RGSL1: variants seen among roughly 807,000 people sequenced by gnomAD.
RGSL1 encodes the protein regulator of G protein signaling like 1.
RGSL1 carries 97 observed loss-of-function variants against 124.7 expected under a neutral mutation model. The ratio of observed to expected loss-of-function variants is 0.78; its 90% confidence interval spans 0.66 to 0.92. The LOEUF (loss-of-function observed/expected upper bound fraction) is 0.92, where lower values mean the gene tolerates loss of function less well. Among genes scored for constraint, RGSL1 ranks in the 40% least tolerant of loss-of-function variants. RGSL1 has a pLI of 0.00. For missense variants in RGSL1, 1,233 were observed against 1,288.4 expected, an observed-to-expected ratio of 0.96 and a Z score of 0.66; for synonymous variants, 424 against 438.1, an observed-to-expected ratio of 0.97 and a Z score of 0.40.
intron 7 of RGSL1, 79 bp downstream of exon 7, chr1:182,488,426 T>G: frequency 7.9e-7 from 1 of 1,263,078 alleles, no homozygotes; most frequent in Non-Finnish European, 1.1e-6. Context: ...AAAAGGGTTA[T>G]GTGTTAAAGT....
In RGSL1 at chr1:182,527,693, T is replaced by C. The variant is rs190038598; in HGVS notation, c.2046T>C (p.Ser682=). 15 of 1,551,372 alleles carry C rather than the reference T, an allele frequency of 9.7e-6. No individual in the cohort carries two copies. In the East Asian group the frequency reaches 3.2e-4, roughly 33 times the overall value. Residue 682 remains serine (S), a synonymous_variant, in exon 11 of 22, where the codon AGT becomes AGC. Transcript: ENST00000294854. The part of the protein sequence containing the change: ...LQFLTAVQKI[S]IETNEKICKS... ...TTCTCACAGCTGTACAGAAGATCAG[T>C]ATAGAGACCAATGAAAAGATTTGCA...
At chr1:182,530,152 C>T (rs1659056127) in intron 11 of RGSL1, 92 bp from the exon 12 acceptor site, 1 of 887,316 alleles carries the variant, frequency 1.1e-6, no homozygotes, top group African/African-American at 1.7e-5. Flanking sequence ...GGCTGTGAGA[C>T]TCTAAGATAA....
chr1:182,531,078 CTGAGTA>C, intron 13 of RGSL1, among the ~76,000 whole-genome samples, 168 bp downstream of exon 13: 2 of 152,098 alleles, frequency 1.3e-5, no homozygotes, highest in South Asian at 4.1e-4. Flanking sequence ...TTAGAGTCAA[CTGAGTA>C]ATAGGTACAG....
chr1:182,504,327 C>T (rs1359243242), intron 9 of RGSL1, among the ~76,000 whole-genome samples: 8 of 151,970 alleles, frequency 5.3e-5, no homozygotes, highest in East Asian at 3.9e-4. Flanking sequence ...ATAATTCTCC[C>T]GGGTTTTTGT....
At chr1:182,506,780 T>G (rs1656837859) in intron 9 of RGSL1, among the ~76,000 whole-genome samples, 1 of 152,174 alleles carries the variant, frequency 6.6e-6, no homozygotes. Context: ...CTGTAATAGA[T>G]GTACATAGTT....
In RGSL1 at chr1:182,540,407, T is replaced by C. The variant is rs1571692309; in HGVS notation, c.2655T>C (p.Phe885=). ...TTGCGATCAATGATCTATATTTCTT[T>C]TCTGAAATGGAGAAGTAAGTTTTCC... is the stretch of plus-strand genomic sequence containing the variant. ...VNFAINDLYF[F]SEMEKFNDLV... is the part of the protein sequence containing the mutation. Residue 885 remains phenylalanine, a synonymous_variant, in exon 15 of 22, where the codon TTT becomes TTC. Coordinates refer to ENST00000294854, the MANE Select transcript of RGSL1 (RefSeq NM_001137669.2). 6.5e-7 allele frequency: 1 copy of C among 1,550,378 alleles called. No individual in the cohort carries two copies.
intron 2 of RGSL1, among the ~76,000 whole-genome samples, chr1:182,456,557 C>G (rs1322085681): frequency 6.6e-6 from 1 of 152,190 alleles, no homozygotes; most frequent in Admixed American, 6.5e-5. Flanking sequence ...CTCGGCCTCC[C>G]AAAGTGCTGG....
chr1:182,515,553 AG>A (rs3031621), intron 9 of RGSL1, among the ~76,000 whole-genome samples: 29 of 109,012 alleles, frequency 2.7e-4, no homozygotes, highest in East Asian at 5.5e-4. Context: ...AAAAAAAAAA[AG>A]GGGGGGGCGG....
chr1:182,528,637 T>C (rs1658934744), intron 11 of RGSL1, among the ~76,000 whole-genome samples: 1 of 152,142 alleles, frequency 6.6e-6, no homozygotes, highest in Non-Finnish European at 1.5e-5. Context: ...AACCTTAAAG[T>C]TCCAAAATGA....
Position 182,511,285 on chromosome 1 carries a change from C to T in RGSL1, c.1826-10719C>T, listed in dbSNP as rs1006773428. On this transcript the variant is annotated intron_variant, in intron 9 of 21. Coordinates refer to ENST00000294854, the MANE Select transcript of RGSL1 (RefSeq NM_001137669.2). ...GTTCAAGAGATTCTCCTGCCTCAGC[C>T]TCCCAAGTAGCTGGGATTACAAGCA... Among the ~76,000 whole-genome samples the T allele has an allele frequency of 5.3e-5, 8 of 152,302 alleles. 1 individual carries two copies. In the Middle Eastern group the frequency reaches 0.02, roughly 389 times the overall value.
chr1:182,496,164 G>T (rs1169826856), intron 9 of RGSL1, among the ~76,000 whole-genome samples: 1 of 152,088 alleles, frequency 6.6e-6, no homozygotes, highest in African/African-American at 2.4e-5. Context: ...ACTTCTCGTG[G>T]TTGGAGCCAA....
At chr1:182,540,509 G>A (rs971262302) in intron 15 of RGSL1, 88 bp downstream of exon 15, 1 of 1,258,032 alleles carries the variant, frequency 7.9e-7, no homozygotes, top group African/African-American at 1.5e-5. Flanking sequence ...ATCTGTTAGA[G>A]ATACAGTGAT....
chr1:182,509,825 C>A (rs1261398626), intron 9 of RGSL1, among the ~76,000 whole-genome samples: 3 of 135,680 alleles, frequency 2.2e-5, no homozygotes, highest in East Asian at 4.6e-4. Flanking sequence ...CTGACCCCCC[C>A]CCACCTCCCT....
At chr1:182,558,003 C>A (rs139407311) in intron 21 of RGSL1, among the ~76,000 whole-genome samples, 1 of 151,786 alleles carries the variant, frequency 6.6e-6, no homozygotes, top group African/African-American at 2.4e-5. Context: ...AGAGACAGTC[C>A]GCTCAAGCCA....
intron 9 of RGSL1, among the ~76,000 whole-genome samples, chr1:182,506,767 C>T (rs950902624): frequency 6.6e-6 from 1 of 151,984 alleles, no homozygotes; most frequent in Non-Finnish European, 1.5e-5. Context: ...TTTTTAACTG[C>T]TGCTGTAATA....
chr1:182,464,152 T>C (rs1388199622), intron 4 of RGSL1, among the ~76,000 whole-genome samples: 2 of 151,986 alleles, frequency 1.3e-5, no homozygotes, highest in African/African-American at 4.8e-5. Context: ...TACAGATAAA[T>C]GGAAATGAAA....
intron 9 of RGSL1, among the ~76,000 whole-genome samples, chr1:182,513,383 T>G (rs574910): frequency 0.84 from 127,152 of 151,824 alleles, 53,544 homozygotes; most frequent in Non-Finnish European, 0.87. Context: ...AAAAGATTTA[T>G]AAGGTTAAGT....
intron 8 of RGSL1, among the ~76,000 whole-genome samples, chr1:182,490,635 G>C (rs1655447982): frequency 1.3e-5 from 2 of 152,098 alleles, no homozygotes; most frequent in South Asian, 4.1e-4. Flanking sequence ...AAAGATGGCT[G>C]GTAAGTTTCA....
chr1:182,551,349 G>A, intron 18 of RGSL1, 140 bp downstream of exon 18: 1 of 662,752 alleles, frequency 1.5e-6, no homozygotes, highest in Non-Finnish European at 2.6e-6. Context: ...TTGGCCCTCA[G>A]GGAGACAGAG....
Sources: allele counts gnomAD v4.1 joint callset (sites outside exome capture counted in the v4.1 genomes callset), GRCh38; gene constraint gnomAD v4.1.1; transcripts MANE v1.5; gene names NCBI Gene and HGNC (gene_info 2026-07-23, HGNC 2026-07-21).